The following GALNT13 variants were observed in gnomAD, a reference collection of about 807,000 sequenced individuals.
The protein encoded by GALNT13 is UDP-GalNAc:polypeptide N-acetylgalactosaminyltransferase 13.
GALNT13 carries 28 observed loss-of-function variants against 64.2 expected under a neutral mutation model. That is an observed-to-expected ratio of 0.44 (90% CI 0.32 to 0.60). The LOEUF is 0.60. Among genes scored for constraint, GALNT13 ranks in the 20% least tolerant of loss-of-function variants. GALNT13 has a pLI of 0.05. For synonymous variants in GALNT13, 214 were observed against 224.6 expected (o/e 0.95, Z 0.42); for missense variants, 577 against 669.8 (o/e 0.86, Z 1.53).
At chr2:153,891,106 A>C (rs16834769) in intron 1 of GALNT13, among the ~76,000 whole-genome samples, 8,150 of 152,148 alleles carry the variant, frequency 0.054, 313 homozygotes, top group South Asian at 0.11. Flanking sequence ...AAGGCAGTCT[A>C]ACAGAATTCT....
At chr2:154,376,849 A>C (rs567259641) in intron 9 of GALNT13, among the ~76,000 whole-genome samples, 230 of 152,232 alleles carry the variant, frequency 1.5e-3, no homozygotes, top group African/African-American at 5.2e-3. Flanking sequence ...AACTATAGTA[A>C]ATATCTAAGG....
At chr2:153,544,576 A>G in the GALNT13 span, among the ~76,000 whole-genome samples, 4 of 152,246 alleles carry the variant, frequency 2.6e-5, no homozygotes, top group African/African-American at 9.6e-5. Flanking sequence ...CACTTACAAA[A>G]TGATCTGAAT....
chr2:154,399,187 G>A (rs995888508), intron 10 of GALNT13, among the ~76,000 whole-genome samples: 7 of 152,234 alleles, frequency 4.6e-5, no homozygotes, highest in African/African-American at 1.7e-4. Flanking sequence ...AGTGGCTGAG[G>A]CAGTAGTATG....
rs142518080 is a variant in GALNT13 at position 154,101,408 on chromosome 2, C to G, written c.143-38929C>G. Among the ~76,000 whole-genome samples the G allele has an allele frequency of 4.9e-4, 74 of 151,892 alleles. 2 individuals are homozygous for G. In the East Asian group the frequency reaches 0.013, roughly 26 times the overall value. On this transcript the variant is annotated intron_variant, in intron 3 of 12. Coordinates refer to ENST00000392825, the MANE Select transcript of GALNT13 (RefSeq NM_052917.4). ...AGGCGGTATGTTTATAAGAATGTATCCATTTCTTTAAGTTTTCTAGTTTGT... is the reference window on the plus strand; with the variant it reads ...AGGCGGTATGTTTATAAGAATGTATGCATTTCTTTAAGTTTTCTAGTTTGT...
chr2:154,046,869 G>A (rs1034164635), intron 3 of GALNT13, among the ~76,000 whole-genome samples: 1 of 152,052 alleles, frequency 6.6e-6, no homozygotes, highest in African/African-American at 2.4e-5. Flanking sequence ...CTGACACCTG[G>A]ATCTTGACCT....
rs188303442 is a variant in GALNT13 at position 154,039,976 on chromosome 2, C to G, written c.142+95337C>G. Among the ~76,000 whole-genome samples, 6 of 140,748 alleles carry G rather than the reference C, an allele frequency of 4.3e-5. 1 individual carries two copies. In the East Asian group the frequency reaches 1.2e-3, roughly 28 times the overall value. 92.3% of individuals were successfully genotyped at this position (140,748 alleles called of 152,430 possible). ...TTTACACTGTTATCTGTAGCTTACT[C>G]TGGCCTCTTATGTTGACAAACTGTG... On this transcript the variant is annotated intron_variant, in intron 3 of 12. Transcript: ENST00000392825.
chr2:153,366,649 T>A, the GALNT13 span, among the ~76,000 whole-genome samples: 2 of 146,570 alleles, frequency 1.4e-5, no homozygotes, highest in South Asian at 4.3e-4. Flanking sequence ...TTTCCGAAAT[T>A]AATGACAAGT....
At chr2:153,986,782 A>G (rs1045943465) in intron 3 of GALNT13, among the ~76,000 whole-genome samples, 3 of 152,094 alleles carry the variant, frequency 2.0e-5, no homozygotes, top group East Asian at 3.9e-4. Flanking sequence ...GGGGAGAATT[A>G]TAAGAGAGAA....
chr2:154,446,686 T>C lies in GALNT13; in HGVS notation c.1531-3725T>C, dbSNP rs1194996418. ...GATAGCACTTTGCAAAAATGGCTAC[T>C]AAGAAACTATACAAGAATGGAAATT... is the stretch of plus-strand genomic sequence containing the variant. On this transcript the variant is annotated intron_variant, in intron 12 of 12. Coordinates refer to ENST00000392825, the MANE Select transcript of GALNT13 (RefSeq NM_052917.4). 1.2e-5 allele frequency: 19 copies of C among 1,548,594 alleles called. No individual in the cohort carries two copies. In the African/African-American group the frequency reaches 2.6e-4, roughly 21 times the overall value.
chr2:153,818,215 C>G, the GALNT13 span, among the ~76,000 whole-genome samples: 2 of 152,092 alleles, frequency 1.3e-5, no homozygotes, highest in Admixed American at 6.6e-5. Flanking sequence ...ATGGCTTCCC[C>G]CCGAGGGACT....
chr2:153,085,070 G>A, the GALNT13 span, among the ~76,000 whole-genome samples: 834 of 152,294 alleles, frequency 5.5e-3, 3 homozygotes, highest in Admixed American at 0.01. Flanking sequence ...GGGAAGTGGA[G>A]TAAAGGTCAC....
chr2:153,478,642 G>C, the GALNT13 span: 107 of 1,209,802 alleles, frequency 8.8e-5, no homozygotes, highest in Non-Finnish European at 1.1e-4. Context: ...AACAGGTGCC[G>C]GGCTGAGCGC....
At chr2:153,291,085 T>G in the GALNT13 span, among the ~76,000 whole-genome samples, 1 of 152,202 alleles carries the variant, frequency 6.6e-6, no homozygotes, top group African/African-American at 2.4e-5. Context: ...AAAGTTGATC[T>G]CTGTGGATTT....
the GALNT13 span, among the ~76,000 whole-genome samples, chr2:153,110,357 AC>A: frequency 6.6e-6 from 1 of 152,160 alleles, no homozygotes; most frequent in Non-Finnish European, 1.5e-5. Context: ...AAAGAATCAT[AC>A]TACTGACATT....
the GALNT13 span, among the ~76,000 whole-genome samples, chr2:153,759,491 C>T: frequency 1.3e-5 from 2 of 151,980 alleles, no homozygotes; most frequent in Non-Finnish European, 2.9e-5. Context: ...TATAGCTAAT[C>T]CATTGGGAGA....
chr2:154,353,307 A>G (rs1696517114), intron 9 of GALNT13, among the ~76,000 whole-genome samples: 1 of 152,188 alleles, frequency 6.6e-6, no homozygotes, highest in African/African-American at 2.4e-5. Flanking sequence ...CACTTAAAAA[A>G]ATGGGGTATA....
At chr2:154,112,580 C>A (rs1703049500) in intron 3 of GALNT13, among the ~76,000 whole-genome samples, 1 of 152,222 alleles carries the variant, frequency 6.6e-6, no homozygotes, top group African/African-American at 2.4e-5. Flanking sequence ...CCAGCCAAAT[C>A]ATTAATGACA....
At chr2:153,120,835 G>T in the GALNT13 span, among the ~76,000 whole-genome samples, 1 of 152,074 alleles carries the variant, frequency 6.6e-6, no homozygotes, top group Non-Finnish European at 1.5e-5. Context: ...CAGCTGGAGG[G>T]GCCAGAGAGA....
the GALNT13 span, among the ~76,000 whole-genome samples, chr2:153,621,112 G>C: frequency 1.3e-5 from 2 of 151,950 alleles, no homozygotes; most frequent in African/African-American, 4.8e-5. Flanking sequence ...CAAACAAACA[G>C]AGTCCGTCTC....
Sources: gnomAD v4.1 joint callset for allele counts (sites outside exome capture counted in the v4.1 genomes callset) on GRCh38, gnomAD v4.1.1 for gene constraint, MANE v1.5 for transcripts, NCBI Gene and HGNC (gene_info 2026-07-23, HGNC 2026-07-21) for gene names.